PILRA: variants seen among roughly 807,000 people sequenced by gnomAD.
PILRA encodes paired immunoglobin like type 2 receptor alpha.
Under a neutral mutation model 33.1 loss-of-function variants are expected in PILRA, and 37 were observed. The observed-to-expected ratio is 1.12, with a 90% CI of 0.86 to 1.47. The LOEUF (loss-of-function observed/expected upper bound fraction) is 1.47, where lower values mean the gene tolerates loss of function less well. PILRA is among the 40% of genes most tolerant of loss of function. The probability of loss-of-function intolerance (pLI) is 0.00; values close to 1 mark genes in which losing one functional copy is unlikely to be tolerated. For missense variants in PILRA, 312 were observed against 376.2 expected (o/e 0.83, Z 1.41); for synonymous variants, 146 against 149.9 (o/e 0.97, Z 0.19).
upstream of PILRA, chr7:100,373,387 G>C (rs1266428793): frequency 1.7e-6 from 1 of 574,430 alleles, no homozygotes; most frequent in South Asian, 2.1e-5. Flanking sequence ...AGGAGGACGG[G>C]GACCGCGGCC....
intron 2 of PILRA, chr7:100,376,001 G>C (rs1468520916): frequency 6.6e-6 from 1 of 152,250 alleles, no homozygotes; most frequent in Non-Finnish European, 1.5e-5. Flanking sequence ...CAGGAAGGGG[G>C]TGCATTGTCT....
intron 2 of PILRA, among the ~76,000 whole-genome samples, chr7:100,375,391 A>G (rs1353954189): frequency 6.6e-6 from 1 of 152,210 alleles, no homozygotes; most frequent in East Asian, 1.9e-4. Flanking sequence ...AACAGAGCCT[A>G]TATATCTGTG....
chr7:100,391,795 C>T (rs549272798), intron 3 of PILRA, among the ~76,000 whole-genome samples: 15 of 152,262 alleles, frequency 9.9e-5, no homozygotes, highest in African/African-American at 3.6e-4. Flanking sequence ...TCACCAAGTA[C>T]AATGGGGAAG....
At chr7:100,372,370 G>T (rs1790837141), upstream of PILRA, among the ~76,000 whole-genome samples, 1 of 152,140 alleles carries the variant, frequency 6.6e-6, no homozygotes, top group Non-Finnish European at 1.5e-5. Flanking sequence ...AAGAGACTAA[G>T]AGAAGGGAGG....
In PILRA at chr7:100,374,062, G is replaced by A. The variant is rs540216282; in HGVS notation, c.83G>A (p.Gly28Asp). The A allele has an allele frequency of 6.2e-7, 1 of 1,613,980 alleles. No individual in the cohort carries two copies. The highest frequency in any genetic ancestry group is 1.1e-5 in the South Asian group (1 of 91,084). Residue 28 changes from glycine to aspartate, a missense_variant, in exon 2 of 7, where the codon GGT (glycine) becomes GAT (aspartate). Coordinates refer to ENST00000198536, the MANE Select transcript of PILRA (RefSeq NM_013439.3). ...CCTCTAGGTGGCTCCACAGGATCTG[G>A]TCCAAGCTACCTTTATGGGGTCACT... Reference protein sequence around the residue: ...FLQPSGSTGSGPSYLYGVTQP... With the variant: ...FLQPSGSTGSDPSYLYGVTQP...
At chr7:100,387,944 G>A (rs1227466200) in intron 2 of PILRA, among the ~76,000 whole-genome samples, 1 of 151,810 alleles carries the variant, frequency 6.6e-6, no homozygotes, top group Non-Finnish European at 1.5e-5. Context: ...TTTACAGCTG[G>A]CTCCTCCTGT....
chr7:100,396,765 C>T lies in PILRA; in HGVS notation c.674-1114C>T, dbSNP rs147938121. 7.5e-4 allele frequency among the ~76,000 whole-genome samples: 114 copies of T among 152,140 alleles called. No homozygotes were observed. In the East Asian group the frequency reaches 0.018, roughly 24 times the overall value. ...CAAAATGACAAATATTGTATGATTCCACTTTTCGGTGGTGCCTAGAGATAT... is the reference window on the plus strand; with the variant it reads ...CAAAATGACAAATATTGTATGATTCTACTTTTCGGTGGTGCCTAGAGATAT... On this transcript the variant is annotated intron_variant, in intron 3 of 6. Transcript: ENST00000198536.
At chr7:100,380,554 G>C (rs1012619186) in intron 2 of PILRA, among the ~76,000 whole-genome samples, 6 of 152,128 alleles carry the variant, frequency 3.9e-5, no homozygotes, top group African/African-American at 1.4e-4. Flanking sequence ...CCTGCACTTA[G>C]GGAGTCCAAG....
intron 2 of PILRA, among the ~76,000 whole-genome samples, chr7:100,385,619 T>C (rs1278082146): frequency 6.6e-6 from 1 of 152,182 alleles, no homozygotes; most frequent in African/African-American, 2.4e-5. Flanking sequence ...CTATGTCTTT[T>C]TATTTTTTAT....
At chr7:100,395,715 G>A (rs1259708994) in intron 3 of PILRA, among the ~76,000 whole-genome samples, 2 of 152,120 alleles carry the variant, frequency 1.3e-5, no homozygotes, top group African/African-American at 4.8e-5. Context: ...TTTAAAAAGT[G>A]TGTAAATGAC....
intron 2 of PILRA, chr7:100,374,765 A>G (rs1322751879): frequency 1.3e-5 from 5 of 376,218 alleles, no homozygotes; most frequent in Non-Finnish European, 2.5e-5. Flanking sequence ...TCTCCCCATA[A>G]CCTCCAGGCC....
At chr7:100,373,995 T>A in intron 1 of PILRA, 49 bp from the exon 2 acceptor site, 1 of 1,582,424 alleles carries the variant, frequency 6.3e-7, no homozygotes, top group South Asian at 1.2e-5. Flanking sequence ...TCTTTGTGTC[T>A]TGAGGTGGTT....
intron 2 of PILRA, among the ~76,000 whole-genome samples, chr7:100,386,221 AT>A (rs1584221366): frequency 6.6e-6 from 1 of 152,164 alleles, no homozygotes; most frequent in Non-Finnish European, 1.5e-5. Context: ...ATTTAAAAAA[AT>A]TTTTTAGCTG....
At chr7:100,373,834 AGGGCGGGTCCCACAG>A in intron 1 of PILRA, 114 bp downstream of exon 1, 13 of 1,436,552 alleles carry the variant, frequency 9.0e-6, no homozygotes, top group Non-Finnish European at 1.1e-5. Flanking sequence ...CCAGGAAACA[AGGGCGGGTCCCACAG>A]GGGCGGGTGA....
At chr7:100,383,562 C>A (rs538372002) in intron 2 of PILRA, among the ~76,000 whole-genome samples, 1 of 151,866 alleles carries the variant, frequency 6.6e-6, no homozygotes, top group East Asian at 1.9e-4. Context: ...GGAAACAACT[C>A]ACTTTTGCTC....
intron 2 of PILRA, among the ~76,000 whole-genome samples, chr7:100,375,561 G>A (rs549763318): frequency 5.3e-5 from 8 of 152,196 alleles, no homozygotes; most frequent in South Asian, 4.2e-4. Context: ...GTGAAACCCC[G>A]TCTCTACTAA....
chr7:100,378,428 C>T (rs898947323), intron 2 of PILRA, among the ~76,000 whole-genome samples: 3 of 152,082 alleles, frequency 2.0e-5, no homozygotes, highest in Non-Finnish European at 4.4e-5. Context: ...ATAAGTTTAT[C>T]CAGTTTAGGA....
intron 2 of PILRA, among the ~76,000 whole-genome samples, chr7:100,379,668 C>CAA (rs57322009): frequency 3.7e-3 from 252 of 68,768 alleles, no homozygotes; most frequent in African/African-American, 0.01. Context: ...ACTCTGTCTC[C>CAA]AAAAAAAAAA....
At chr7:100,399,441 C>T (rs1167517565) in intron 5 of PILRA, 101 bp downstream of exon 5, 2 of 1,366,552 alleles carry the variant, frequency 1.5e-6, no homozygotes, top group Non-Finnish European at 2.1e-6. Flanking sequence ...GTATTTTCTT[C>T]TTTCCATTCC....
Sources: gnomAD v4.1 joint callset for allele counts (sites outside exome capture counted in the v4.1 genomes callset) on GRCh38, gnomAD v4.1.1 for gene constraint, MANE v1.5 for transcripts, NCBI Gene and HGNC (gene_info 2026-07-23, HGNC 2026-07-21) for gene names.